ESPNL: variants seen among roughly 807,000 people sequenced by gnomAD.
The protein encoded by ESPNL is espin like.
In ESPNL, 49 loss-of-function variants were observed where a neutral mutation model predicts 46.8. The ratio of observed to expected loss-of-function variants is 1.05; its 90% CI spans 0.83 to 1.33. ESPNL has a LOEUF of 1.33. Among genes scored for constraint, ESPNL ranks in the 40% most tolerant of loss-of-function variants. The pLI is 0.00. For missense variants in ESPNL, 1,540 were observed against 1,436.6 expected (o/e 1.07, Z -1.16); for synonymous variants, 664 against 662.1 (o/e 1.00, Z -0.04).
intron 3 of ESPNL, among the ~76,000 whole-genome samples, chr2:238,107,029 G>A (rs1056341559): frequency 2.0e-5 from 3 of 152,260 alleles, no homozygotes; most frequent in African/African-American, 4.8e-5. Context: ...GGGAAAGCGG[G>A]CACACTCAAG....
rs377303983 is a variant in ESPNL at position 238,130,375 on chromosome 2, T to A, written c.1661T>A (p.Phe554Tyr). 1.1e-5 allele frequency: 17 copies of A among 1,611,010 alleles called. No individual in the cohort carries two copies. Among genetic ancestry groups the A allele is most frequent in the Non-Finnish European group, 1.4e-5 (16 of 1,179,322 alleles). The change falls in exon 9 of 9, where the codon TTC (phenylalanine) becomes TAC (tyrosine). Residue 554 changes from phenylalanine to tyrosine, a missense_variant. Coordinates refer to ENST00000343063, the MANE Select transcript of ESPNL (RefSeq NM_194312.4). ...GTCAGCATCACGGTCAACAGCCACTTCCTGCCCCGGGCGCCCGGACTGGAG... is the reference window on the plus strand; with the variant it reads ...GTCAGCATCACGGTCAACAGCCACTACCTGCCCCGGGCGCCCGGACTGGAG... ...PLVSITVNSH[F>Y]LPRAPGLEVE...
intron 2 of ESPNL, among the ~76,000 whole-genome samples, chr2:238,103,011 G>C (rs1462878875): frequency 6.6e-6 from 1 of 152,244 alleles, no homozygotes; most frequent in African/African-American, 2.4e-5. Flanking sequence ...CTTGGCAAAG[G>C]CCTTTGGGAT....
In ESPNL at chr2:238,101,427, G is replaced by A. The variant is rs1051931699; in HGVS notation, c.295-514G>A. On this transcript the variant is annotated intron_variant, in intron 1 of 8. Coordinates refer to ENST00000343063, the MANE Select transcript of ESPNL (RefSeq NM_194312.4). ...TGTCGGCCCTTCCGCCAAACCCAAG[G>A]GCAGCAGGCGGGAGCTGTGCCTGCC... Among the ~76,000 whole-genome samples the A allele has an allele frequency of 6.4e-4, 97 of 152,182 alleles. 1 individual carries two copies. The highest frequency in any genetic ancestry group is 2.1e-3 in the African/African-American group (85 of 41,448).
chr2:238,125,220 A>G lies in ESPNL; in HGVS notation c.988-50A>G, dbSNP rs1316582881. 3 of 850,648 alleles carry G rather than the reference A, an allele frequency of 3.5e-6. No homozygotes were observed. The South Asian group carries it at 5.8e-5, about 16-fold the overall frequency. 52.7% of individuals were successfully genotyped at this position (850,648 alleles called of 1,614,324 possible). ...TGCCCCTGCCCCTGTCTAGGTGAGC[A>G]GGGAAGAGCCCACGGGGGTCCCCCA... On this transcript the variant is annotated intron_variant, in intron 5 of 8. Transcript: ENST00000343063.
rs532841136 is a variant in ESPNL at position 238,114,038 on chromosome 2, G to A, written c.856-2865G>A. ...CTTTTACAGTGAATCCGTGTTTCAC[G>A]TCCTTGGGCAGTGGGTTGGTCTGAC... On this transcript the variant is annotated intron_variant, in intron 4 of 8. Transcript: ENST00000343063. This position sits in a 1 kb window ranked among gnomAD's most constrained non-coding sequence, Gnocchi z 5.0. Among the ~76,000 whole-genome samples, 47 of 152,238 alleles carry A rather than the reference G, an allele frequency of 3.1e-4. No individual in the cohort carries two copies. The highest frequency in any genetic ancestry group is 1.1e-3 in the African/African-American group (46 of 41,530).
At chr2:238,105,937 C>T (rs139721339) in intron 3 of ESPNL, among the ~76,000 whole-genome samples, 5 of 152,164 alleles carry the variant, frequency 3.3e-5, no homozygotes, top group Non-Finnish European at 5.9e-5. Flanking sequence ...GCTCTGCCCC[C>T]GGGGCCTTTG....
At position 238,110,697 on chromosome 2, in the gene ESPNL, C is replaced by T. The variant is rs567235836; in HGVS notation, c.855+2724C>T. On this transcript the variant is annotated intron_variant, in intron 4 of 8. Transcript: ENST00000343063. ...TAGGATGCCATATGTTACCGAGTTT[C>T]CCTTTCCTGTCCCAGGATCCCATTT... 3.0e-5 allele frequency among the ~76,000 whole-genome samples: 3 copies of T among 100,486 alleles called. No individual in the cohort carries two copies. In the Admixed American group the frequency reaches 3.0e-4, roughly 10 times the overall value. The allele number at this position is 100,486 out of a possible 152,430, so 65.9% of individuals were successfully genotyped here.
At chr2:238,123,455 G>A (rs1692031635) in intron 5 of ESPNL, among the ~76,000 whole-genome samples, 1 of 152,162 alleles carries the variant, frequency 6.6e-6, no homozygotes, top group Admixed American at 6.5e-5. Context: ...CGTAGGTGGG[G>A]CTGGGGATTC....
intron 1 of ESPNL, 56 bp from the exon 2 acceptor site, chr2:238,101,885 C>T: frequency 2.2e-6 from 3 of 1,388,482 alleles, no homozygotes; most frequent in South Asian, 2.5e-5. Context: ...CCTCCGGCAG[C>T]TGGCTCTGAC....
chr2:238,104,644 C>T lies in ESPNL; in HGVS notation c.486-12C>T, dbSNP rs1412578604. ...GCAGGGACTGGGCCTCCAAACCCTC[C>T]CTTCCCTGCAGCAGCGTGAACCGGC... On this transcript the variant is annotated splice_polypyrimidine_tract_variant and intron_variant, in intron 2 of 8. Transcript: ENST00000343063. 2.6e-6 allele frequency: 4 copies of T among 1,562,018 alleles called. No homozygotes were observed. Among genetic ancestry groups the T allele is most frequent in the Non-Finnish European group, 3.5e-6 (4 of 1,151,494 alleles).
At chr2:238,129,916 G>A (rs982496050) in intron 8 of ESPNL, among the ~76,000 whole-genome samples, 14 of 152,266 alleles carry the variant, frequency 9.2e-5, no homozygotes, top group Admixed American at 2.0e-4. Flanking sequence ...GCTGGGAGCC[G>A]TAGGGGCTGA....
At chr2:238,113,234 G>T (rs74001581) in intron 4 of ESPNL, among the ~76,000 whole-genome samples, 1,891 of 152,250 alleles carry the variant, frequency 0.012, 44 homozygotes, top group African/African-American at 0.043. Context: ...TCGGCCTTCT[G>T]AATCCTTATG....
In ESPNL at chr2:238,128,762, T is replaced by C. The variant is rs368558093; in HGVS notation, c.1271T>C (p.Leu424Pro). The stretch of plus-strand genomic sequence containing the variant: ...TCAGATGGCCTGGCCGCACTACAGC[T>C]GGATGGGCTGCCCTCAGGCGACATC... ...DTSDGLAALQ[L>P]DGLPSGDIDG... The change falls in exon 8 of 9, where the codon CTG becomes CCG. Residue 424 changes from leucine to proline, a missense_variant. Transcript: ENST00000343063. 10 of 1,595,512 alleles carry C rather than the reference T, an allele frequency of 6.3e-6. No individual in the cohort carries two copies. In the African/African-American group the frequency reaches 9.4e-5, roughly 15 times the overall value.
At chr2:238,128,955 G>C in intron 8 of ESPNL, 51 bp downstream of exon 8, 1 of 1,503,862 alleles carries the variant, frequency 6.6e-7, no homozygotes, top group Non-Finnish European at 8.9e-7. Flanking sequence ...GCCTTTTCCA[G>C]GTAGGTGGAA....
At chr2:238,128,992 G>A in intron 8 of ESPNL, 88 bp downstream of exon 8, 1 of 1,471,550 alleles carries the variant, frequency 6.8e-7, no homozygotes, top group Non-Finnish European at 9.0e-7. Flanking sequence ...CCGAAGCCCA[G>A]AACTGAATCC....
intron 5 of ESPNL, among the ~76,000 whole-genome samples, chr2:238,121,694 G>A (rs1276899820): frequency 3.9e-5 from 6 of 152,234 alleles, no homozygotes; most frequent in Admixed American, 2.0e-4. Flanking sequence ...CACCGTACCC[G>A]GCCCAGAGCC....
chr2:238,129,142 G>T lies in ESPNL; in HGVS notation c.1413+238G>T, dbSNP rs1342487698. The stretch of plus-strand genomic sequence containing the variant: ...GTCCCACGTATCCTTCCACTTGGCG[G>T]ATTTGTGGCACATGCCTGCCTGTGC... On this transcript the variant is annotated intron_variant, in intron 8 of 8. Coordinates refer to ENST00000343063, the MANE Select transcript of ESPNL (RefSeq NM_194312.4). 4 of 1,399,792 alleles carry T rather than the reference G, an allele frequency of 2.9e-6. No individual in the cohort carries two copies. The African/African-American group carries it at 5.8e-5, about 20-fold the overall frequency. The allele number at this position is 1,399,792 out of a possible 1,614,324, so 86.7% of individuals were successfully genotyped here.
rs1448150504 is a variant in ESPNL, at chr2:238,119,144, AGG to A, written c.987+2111_987+2112del. On this transcript the variant is annotated intron_variant, in intron 5 of 8. Transcript: ENST00000343063. ...AGTGGATGAAGGCCTTGGATGGAGGAGGAATGGATGGAGGAGGGGAGATGGAG... is the reference window on the plus strand; with the variant it reads ...AGTGGATGAAGGCCTTGGATGGAGGAAATGGATGGAGGAGGGGAGATGGAG... Among the ~76,000 whole-genome samples the A allele has an allele frequency of 0.011, 10 of 936 alleles. No individual in the cohort carries two copies. In the East Asian group the frequency reaches 0.17, roughly 16 times the overall value. The allele number at this position is 936 out of a possible 152,430, so 0.6% of individuals were successfully genotyped here.
Position 238,114,269 on chromosome 2 carries a change from C to T in ESPNL, c.856-2634C>T, listed in dbSNP as rs965669052. 2.6e-5 allele frequency among the ~76,000 whole-genome samples: 4 copies of T among 152,174 alleles called. No homozygotes were observed. Among genetic ancestry groups the T allele is most frequent in the African/African-American group, 9.7e-5 (4 of 41,438 alleles). On this transcript the variant is annotated intron_variant, in intron 4 of 8. Coordinates refer to ENST00000343063, the MANE Select transcript of ESPNL (RefSeq NM_194312.4). The surrounding 1 kb of genome is among the most constrained non-coding windows in gnomAD (Gnocchi z 5.0). ...TCTGTTCCTATCAGGGCTTTGCCCTCTCTCCCCAGCACCATTTGGGGCCAG... is the reference window on the plus strand; with the variant it reads ...TCTGTTCCTATCAGGGCTTTGCCCTTTCTCCCCAGCACCATTTGGGGCCAG...
Sources: gnomAD v4.1 joint callset for allele counts (sites outside exome capture counted in the v4.1 genomes callset) on GRCh38, gnomAD v4.1.1 for gene constraint, Gnocchi (gnomAD v3.1) non-coding constraint, MANE v1.5 for transcripts, NCBI Gene and HGNC (gene_info 2026-07-23, HGNC 2026-07-21) for gene names.